The following PTPRR variants were observed in gnomAD, a reference collection of about 807,000 sequenced individuals.
PTPRR encodes receptor-type tyrosine-protein phosphatase R.
A neutral mutation model predicts 77.2 loss-of-function variants in PTPRR; 38 were observed. The ratio of observed to expected loss-of-function variants is 0.49; its 90% CI spans 0.38 to 0.65. PTPRR has a LOEUF of 0.65. PTPRR is among the 30% of genes least tolerant of loss of function. PTPRR has a pLI of 0.00. For synonymous variants in PTPRR, 299 were observed against 283.1 expected (o/e 1.06, Z -0.57); for missense variants, 744 against 799.2 (o/e 0.93, Z 0.83).
chr12:70,695,934 A>C (rs1180415136), intron 8 of PTPRR, among the ~76,000 whole-genome samples: 1 of 152,218 alleles, frequency 6.6e-6, no homozygotes, highest in Admixed American at 6.6e-5. Context: ...GGAAGGCCAA[A>C]GATAGTATTA....
intron 2 of PTPRR, among the ~76,000 whole-genome samples, chr12:70,868,406 C>A (rs1024585177): frequency 1.6e-4 from 24 of 151,094 alleles, no homozygotes; most frequent in African/African-American, 5.8e-4. Flanking sequence ...GAAAAGAAGA[C>A]ATTTATGCAG....
intron 12 of PTPRR, among the ~76,000 whole-genome samples, chr12:70,659,375 G>A (rs535350430): frequency 7.9e-5 from 12 of 152,290 alleles, no homozygotes; most frequent in Non-Finnish European, 1.3e-4. Flanking sequence ...GGCTGGACAG[G>A]AAATGGTGAT....
chr12:70,683,956 C>T (rs1213335250), intron 10 of PTPRR, among the ~76,000 whole-genome samples, 171 bp downstream of exon 10: 1 of 152,120 alleles, frequency 6.6e-6, no homozygotes, highest in Non-Finnish European at 1.5e-5. Context: ...AGAAAGTTGA[C>T]ATTCATAGGA....
intron 2 of PTPRR, among the ~76,000 whole-genome samples, chr12:70,793,197 AT>A (rs1891451907): frequency 6.6e-6 from 1 of 152,134 alleles, no homozygotes; most frequent in Non-Finnish European, 1.5e-5. Context: ...TGACATCTCA[AT>A]TGGTTCAGGT....
At chr12:70,920,240 T>C in intron 1 of PTPRR, 93 bp downstream of exon 1, 1 of 1,390,198 alleles carries the variant, frequency 7.2e-7, no homozygotes, top group South Asian at 1.2e-5. Context: ...TAGAAAGGCT[T>C]TCTTCGCAAG....
chr12:70,830,171 G>T (rs1464924957), intron 2 of PTPRR, among the ~76,000 whole-genome samples: 2 of 152,126 alleles, frequency 1.3e-5, no homozygotes, highest in Non-Finnish European at 2.9e-5. Flanking sequence ...TGATGTATTT[G>T]TTGATGTTTT....
intron 1 of PTPRR, among the ~76,000 whole-genome samples, chr12:70,899,752 C>G (rs1025288737): frequency 1.3e-5 from 2 of 151,282 alleles, no homozygotes; most frequent in African/African-American, 4.8e-5. Context: ...TAAAACTGTT[C>G]TATTTGCAGA....
intron 3 of PTPRR, among the ~76,000 whole-genome samples, chr12:70,762,298 C>CAA (rs1890710420): frequency 6.6e-6 from 1 of 151,996 alleles, no homozygotes. Context: ...CACACATACA[C>CAA]ACACACACAC....
At chr12:70,793,941 T>C (rs1480186191) in intron 2 of PTPRR, among the ~76,000 whole-genome samples, 4 of 152,208 alleles carry the variant, frequency 2.6e-5, no homozygotes, top group Non-Finnish European at 5.9e-5. Flanking sequence ...GAGCTTATGT[T>C]GAGAAATAAG....
At position 70,826,247 on chromosome 12, in the gene PTPRR, C is replaced by T. The variant is rs79835283; in HGVS notation, c.358-61469G>A. Reference sequence around the variant, plus strand: ...GTTAACACCTTTCCTCCAATTAATCCGGAAATGGAATAGTGCTAATAGGGT... The same window carrying T: ...GTTAACACCTTTCCTCCAATTAATCTGGAAATGGAATAGTGCTAATAGGGT... On this transcript the variant is annotated intron_variant, in intron 2 of 13. Coordinates refer to ENST00000283228, the MANE Select transcript of PTPRR (RefSeq NM_002849.4). Among the ~76,000 whole-genome samples, 677 of 152,000 alleles carry T rather than the reference C, an allele frequency of 4.5e-3. 8 individuals are homozygous for T. Among genetic ancestry groups the T allele is most frequent in the African/African-American group, 0.016 (646 of 41,426 alleles).
At chr12:70,650,791 A>T (rs1410227627) in intron 13 of PTPRR, among the ~76,000 whole-genome samples, 1 of 152,194 alleles carries the variant, frequency 6.6e-6, no homozygotes, top group East Asian at 1.9e-4. Context: ...TGGTGCAAAA[A>T]TAATTATAAT....
chr12:70,915,607 C>T (rs1893763669), intron 1 of PTPRR, among the ~76,000 whole-genome samples: 1 of 152,210 alleles, frequency 6.6e-6, no homozygotes, highest in South Asian at 2.1e-4. Context: ...TTGGGCTGCA[C>T]AATATCTGGC....
intron 2 of PTPRR, among the ~76,000 whole-genome samples, chr12:70,884,685 G>A (rs1036729293): frequency 2.0e-5 from 3 of 149,900 alleles, no homozygotes; most frequent in Non-Finnish European, 4.4e-5. Flanking sequence ...GGCTAACACG[G>A]TGAAACCCCG....
intron 2 of PTPRR, among the ~76,000 whole-genome samples, chr12:70,778,918 T>A (rs1891144867): frequency 6.6e-6 from 1 of 152,220 alleles, no homozygotes; most frequent in South Asian, 2.1e-4. Flanking sequence ...CGATCTCAGC[T>A]CACTGCAACC....
chr12:70,819,891 C>T (rs773629470), intron 2 of PTPRR, among the ~76,000 whole-genome samples: 5 of 151,996 alleles, frequency 3.3e-5, no homozygotes, highest in Non-Finnish European at 7.3e-5. Flanking sequence ...TCAGTCTAAA[C>T]TACAGCTATG....
intron 2 of PTPRR, among the ~76,000 whole-genome samples, chr12:70,822,446 T>A (rs1467834244): frequency 1.3e-5 from 2 of 152,152 alleles, no homozygotes; most frequent in Non-Finnish European, 2.9e-5. Context: ...TAAAAAATAA[T>A]AATTATAATA....
At chr12:70,788,915 C>T in intron 2 of PTPRR, 2 of 1,463,388 alleles carry the variant, frequency 1.4e-6, no homozygotes, top group South Asian at 1.4e-5. Flanking sequence ...AATCGTAAAG[C>T]TTTCTAAGCT....
chr12:70,795,913 A>ATTTTTTTTTTT lies in PTPRR; in HGVS notation c.358-31146_358-31136dup, dbSNP rs71437157. 7.2e-4 allele frequency among the ~76,000 whole-genome samples: 64 copies of ATTTTTTTTTTT among 88,390 alleles called. 23 individuals carry two copies. Among genetic ancestry groups the ATTTTTTTTTTT allele is most frequent in the South Asian group, 3.1e-3 (8 of 2,564 alleles). 58.0% of individuals were successfully genotyped at this position (88,390 alleles called of 152,430 possible). A position where few individuals can be genotyped will look rare whatever the true frequency, so the allele number is the denominator to read the frequency against. On this transcript the variant is annotated intron_variant, in intron 2 of 13. Coordinates refer to ENST00000283228, the MANE Select transcript of PTPRR (RefSeq NM_002849.4). ...TATATGTTCAAAATGTATTTAGTAG[A>ATTTTTTTTTTT]TTTTTTTTTTTTTTTTTTTTTTTTT...
chr12:70,656,859 G>A (rs535282802), intron 12 of PTPRR, 42 bp from the exon 13 acceptor site: 2 of 1,330,590 alleles, frequency 1.5e-6, no homozygotes, highest in East Asian at 2.3e-5. Flanking sequence ...GGGGGAAAAT[G>A]ACAAAGATAA....
Sources: allele counts gnomAD v4.1 joint callset (sites outside exome capture counted in the v4.1 genomes callset), GRCh38; gene constraint gnomAD v4.1.1; transcripts MANE v1.5; gene names NCBI Gene and HGNC (gene_info 2026-07-23, HGNC 2026-07-21).